Variants in IPO8 observed in about 807,000 individuals in gnomAD.
IPO8 encodes importin 8.
In IPO8, 65 loss-of-function variants were observed where a neutral mutation model predicts 141.2. That is an observed-to-expected ratio of 0.46 (90% CI 0.38 to 0.57). IPO8 has a LOEUF of 0.57. IPO8 is among the 20% of genes least tolerant of loss of function. IPO8 has a pLI of 0.00. For missense variants in IPO8, 980 were observed against 1,246.8 expected (o/e 0.79, Z 3.22); for synonymous variants, 411 against 420.3 (o/e 0.98, Z 0.27).
chr12:30,669,445 AT>A (rs1275106412), intron 9 of IPO8, among the ~76,000 whole-genome samples, 163 bp from the exon 10 acceptor site: 2 of 152,160 alleles, frequency 1.3e-5, no homozygotes, highest in South Asian at 2.1e-4. Context: ...TATAGTTCTT[AT>A]TTTGAAATTT....
chr12:30,689,809 A>G (rs557359636), intron 2 of IPO8, among the ~76,000 whole-genome samples: 1 of 152,332 alleles, frequency 6.6e-6, no homozygotes, highest in Non-Finnish European at 1.5e-5. Flanking sequence ...AATTACTTAC[A>G]TGTATATGTC....
chr12:30,655,117 TATTA>T (rs1417499833), intron 17 of IPO8, among the ~76,000 whole-genome samples: 1 of 152,166 alleles, frequency 6.6e-6, no homozygotes, highest in African/African-American at 2.4e-5. Flanking sequence ...ATTCTTTTAT[TATTA>T]ATTAAAGGCC....
chr12:30,664,104 T>C (rs925876612), intron 13 of IPO8, among the ~76,000 whole-genome samples: 1 of 152,204 alleles, frequency 6.6e-6, no homozygotes, highest in Non-Finnish European at 1.5e-5. Flanking sequence ...CTGGTATAGA[T>C]GATCACATTT....
In IPO8 at chr12:30,666,242, T is replaced by A. The variant is rs760995540; in HGVS notation, c.1154A>T (p.Glu385Val). 1 of 1,579,396 alleles carries A rather than the reference T, an allele frequency of 6.3e-7. No individual in the cohort carries two copies. Among genetic ancestry groups the A allele is most frequent in the Non-Finnish European group, 8.6e-7 (1 of 1,157,416 alleles). Residue 385 changes from glutamate (E) to valine (V), a missense_variant, in exon 11 of 25, where the codon GAA becomes GTA. This residue lies in a region of IPO8 where 924 missense variants were observed against 1,153.9 expected (regional missense o/e 0.80). Transcript: ENST00000256079. ...EYIRMKFDIFEDYASPTTAAQ... is the reference protein window; with the variant it reads ...EYIRMKFDIFVDYASPTTAAQ... ...TGCTGTGGTGGGAGAAGCATAATCTTCAAAAATATCTAAGATTTTAAAAGG... is the reference window on the plus strand; with the variant it reads ...TGCTGTGGTGGGAGAAGCATAATCTACAAAAATATCTAAGATTTTAAAAGG...
intron 16 of IPO8, among the ~76,000 whole-genome samples, chr12:30,660,424 A>G (rs2052868690): frequency 6.6e-6 from 1 of 152,214 alleles, no homozygotes; most frequent in Admixed American, 6.5e-5. Flanking sequence ...CTGATACATT[A>G]TCAAAATGAT....
At chr12:30,679,184 C>T (rs530685967) in intron 5 of IPO8, among the ~76,000 whole-genome samples, 1 of 152,250 alleles carries the variant, frequency 6.6e-6, no homozygotes, top group South Asian at 2.1e-4. Flanking sequence ...CTCATATTAT[C>T]GCTTTTTACT....
intron 2 of IPO8, among the ~76,000 whole-genome samples, chr12:30,689,574 C>T (rs978887265): frequency 6.6e-6 from 1 of 152,128 alleles, no homozygotes; most frequent in Non-Finnish European, 1.5e-5. Context: ...CTTCCCAAAG[C>T]TTAATATTTC....
intron 19 of IPO8, among the ~76,000 whole-genome samples, chr12:30,650,346 T>C (rs2052708642): frequency 1.3e-5 from 2 of 152,084 alleles, no homozygotes; most frequent in Admixed American, 6.6e-5. Context: ...AAGATGTACA[T>C]ATACAAAGAC....
chr12:30,666,953 T>C (rs1284878153), intron 10 of IPO8, among the ~76,000 whole-genome samples: 3 of 152,340 alleles, frequency 2.0e-5, no homozygotes, highest in Middle Eastern at 3.4e-3. Context: ...GTTGAATATA[T>C]ACCTATCTAA....
At chr12:30,637,294 C>T (rs2052516437) in intron 21 of IPO8, 107 bp from the exon 22 acceptor site, 1 of 807,440 alleles carries the variant, frequency 1.2e-6, no homozygotes, top group Non-Finnish European at 2.0e-6. Flanking sequence ...TAAGGTTCAT[C>T]TGTTGGTATC....
At position 30,667,768 on chromosome 12, in the gene IPO8, G is replaced by A. The variant is rs556541556; in HGVS notation, c.1144+1415C>T. Among the ~76,000 whole-genome samples, 11 of 152,086 alleles carry A rather than the reference G, an allele frequency of 7.2e-5. No homozygotes were observed. In the South Asian group the frequency reaches 2.3e-3, roughly 32 times the overall value. On this transcript the variant is annotated intron_variant, in intron 10 of 24. Coordinates refer to ENST00000256079, the MANE Select transcript of IPO8 (RefSeq NM_006390.4). ...AGAGTTCTTATTTTCTAAAAACTAGGGTATGTATACCTATCTTATCAGATA... is the reference window on the plus strand; with the variant it reads ...AGAGTTCTTATTTTCTAAAAACTAGAGTATGTATACCTATCTTATCAGATA...
Position 30,684,396 on chromosome 12 carries a change from T to A in IPO8, c.228A>T (p.Gly76=), listed in dbSNP as rs2053219302. ...GAATGTTGAATGGAAATATTGCTTC[T>A]CCTGGTGGAGGTTCTCGATCTGGCC... is the stretch of plus-strand genomic sequence containing the variant. ...QYWPDREPPP[G]EAIFPFNIHE... is the part of the protein sequence containing the mutation. Residue 76 remains glycine (G), a synonymous_variant, in exon 3 of 25, where the codon GGA becomes GGT. Coordinates refer to ENST00000256079, the MANE Select transcript of IPO8 (RefSeq NM_006390.4). 6.2e-7 allele frequency: 1 copy of A among 1,614,180 alleles called. No homozygotes were observed. The highest frequency in any genetic ancestry group is 8.5e-7 in the Non-Finnish European group (1 of 1,180,004).
rs560882962 is a variant in IPO8 at position 30,678,748 on chromosome 12, G to A, written c.639+1734C>T. Among the ~76,000 whole-genome samples, 20 of 152,298 alleles carry A rather than the reference G, an allele frequency of 1.3e-4. No individual in the cohort carries two copies. In the South Asian group the frequency reaches 2.3e-3, roughly 17 times the overall value. The stretch of plus-strand genomic sequence containing the variant: ...TTTGGATTTGATATAGGGAACAGAG[G>A]AGAAGTAGGCTGAGGGTTAGGCTGA... On this transcript the variant is annotated intron_variant, in intron 5 of 24. Coordinates refer to ENST00000256079, the MANE Select transcript of IPO8 (RefSeq NM_006390.4).
chr12:30,642,025 A>G (rs924836620), intron 20 of IPO8, among the ~76,000 whole-genome samples: 4 of 151,948 alleles, frequency 2.6e-5, no homozygotes, highest in Admixed American at 2.6e-4. Flanking sequence ...TGAAACCCCC[A>G]TCTCTACTAA....
intron 17 of IPO8, among the ~76,000 whole-genome samples, chr12:30,654,665 A>T (rs2052773893): frequency 6.6e-6 from 1 of 151,980 alleles, no homozygotes; most frequent in Non-Finnish European, 1.5e-5. Context: ...AAACCACATC[A>T]TATCTACGAG....
At chr12:30,636,624 T>C (rs2052505620) in intron 22 of IPO8, among the ~76,000 whole-genome samples, 1 of 152,176 alleles carries the variant, frequency 6.6e-6, no homozygotes, top group African/African-American at 2.4e-5. Context: ...TTCATTTAAC[T>C]CATGGCTACT....
chr12:30,642,733 G>A (rs996872959), intron 20 of IPO8, among the ~76,000 whole-genome samples: 49 of 151,822 alleles, frequency 3.2e-4, no homozygotes, highest in African/African-American at 1.2e-3. Context: ...CCAGCTTGTA[G>A]TCTTGAATAC....
At chr12:30,643,965 C>CA (rs148364900) in intron 20 of IPO8, among the ~76,000 whole-genome samples, 1,977 of 152,340 alleles carry the variant, frequency 0.013, 42 homozygotes, top group African/African-American at 0.045. Context: ...TAGCCCCACT[C>CA]ATGTCTTGTG....
At chr12:30,661,668 G>A (rs2052890228) in intron 15 of IPO8, among the ~76,000 whole-genome samples, 1 of 144,968 alleles carries the variant, frequency 6.9e-6, no homozygotes, top group South Asian at 2.1e-4. Flanking sequence ...AAAAAATTAA[G>A]AGACACAGTC....
Sources: gnomAD v4.1 joint callset for allele counts (sites outside exome capture counted in the v4.1 genomes callset) on GRCh38, gnomAD v4.1.1 for gene constraint, gnomAD v4.1.1 regional missense constraint, MANE v1.5 for transcripts, NCBI Gene and HGNC (gene_info 2026-07-23, HGNC 2026-07-21) for gene names.